The following ASPRV1 variants were observed in gnomAD, a reference collection of about 807,000 sequenced individuals.
ASPRV1 encodes aspartic peptidase retroviral like 1.
ASPRV1 carries 7 observed loss-of-function variants against 11.0 expected under a neutral mutation model. The ratio of observed to expected loss-of-function variants is 0.64; its 90% confidence interval spans 0.36 to 1.20. The LOEUF (loss-of-function observed/expected upper bound fraction) is 1.20, where lower values mean the gene tolerates loss of function less well. ASPRV1 is among the 50% of genes most tolerant of loss of function. The pLI, the probability that ASPRV1 is intolerant of heterozygous loss-of-function variation, is 0.02. For synonymous variants in ASPRV1, 136 were observed against 138.4 expected (o/e 0.98, Z 0.12); for missense variants, 299 against 320.0 (o/e 0.93, Z 0.50).
chr2:69,996,214 C>CAAAAAAAAAA, the ASPRV1 span, among the ~76,000 whole-genome samples: 2 of 53,888 alleles, frequency 3.7e-5, 1 homozygote. Context: ...CCCCATCTCT[C>CAAAAAAAAAA]AAAAAAAAAA....
At chr2:70,044,836 T>A in the ASPRV1 span, among the ~76,000 whole-genome samples, 1 of 152,132 alleles carries the variant, frequency 6.6e-6, no homozygotes, top group Middle Eastern at 3.2e-3. Context: ...GTACATGCAG[T>A]GAGGATACAC....
chr2:70,067,949 T>C, the ASPRV1 span, among the ~76,000 whole-genome samples: 6 of 152,238 alleles, frequency 3.9e-5, no homozygotes. Flanking sequence ...TTGCTTCAGA[T>C]ACTAAATTCT....
the ASPRV1 span, among the ~76,000 whole-genome samples, chr2:69,984,189 C>A: frequency 6.6e-6 from 1 of 152,112 alleles, no homozygotes; most frequent in Non-Finnish European, 1.5e-5. Flanking sequence ...CAGGGGTGCA[C>A]CACCATACCC....
chr2:70,015,993 T>C, the ASPRV1 span: 3 of 152,044 alleles, frequency 2.0e-5, no homozygotes, highest in Middle Eastern at 3.2e-3. Context: ...GAGACTTCAA[T>C]AGTCCACTTT....
Position 69,960,755 on chromosome 2 carries a change from G to A in ASPRV1, c.682C>T (p.Leu228Phe), listed in dbSNP as rs1678063335. The A allele has an allele frequency of 6.2e-7, 1 of 1,614,158 alleles. No individual in the cohort carries two copies. The highest frequency in any genetic ancestry group is 1.1e-5 in the South Asian group (1 of 91,086). The change falls in exon 1 of 1, where the codon CTT becomes TTT. Residue 228 changes from leucine (L) to phenylalanine (F), a missense_variant. Leu to Phe is a conservative substitution (Grantham distance 22). Transcript: ENST00000320256. ...TCTLKGKKFR[L>F]LPVGGSLEDE... ...TCCAGGGACCCTCCCACAGGCAGAA[G>A]GCGAAACTTCTTCCCTTTCAGGGTG...
the ASPRV1 span, among the ~76,000 whole-genome samples, chr2:69,980,987 G>A: frequency 6.6e-6 from 1 of 152,124 alleles, no homozygotes; most frequent in Non-Finnish European, 1.5e-5. Context: ...TTTTGGCCAG[G>A]CTGATCTCAA....
At chr2:69,969,902 T>G in the ASPRV1 span, among the ~76,000 whole-genome samples, 1 of 152,074 alleles carries the variant, frequency 6.6e-6, no homozygotes, top group Non-Finnish European at 1.5e-5. Context: ...TTAAATTTTT[T>G]TTTTTTTTTG....
the ASPRV1 span, among the ~76,000 whole-genome samples, chr2:69,992,385 C>A: frequency 6.6e-6 from 1 of 152,216 alleles, no homozygotes; most frequent in Admixed American, 6.5e-5. Context: ...TCCTTCTGGA[C>A]ATTCTGACAT....
the ASPRV1 span, among the ~76,000 whole-genome samples, chr2:69,978,317 T>C: frequency 3.3e-5 from 5 of 152,132 alleles, no homozygotes; most frequent in Non-Finnish European, 7.3e-5. Context: ...GTTCTGAGCG[T>C]GGTCACACAC....
the ASPRV1 span, among the ~76,000 whole-genome samples, chr2:69,943,104 T>G: frequency 6.6e-6 from 1 of 152,340 alleles, no homozygotes; most frequent in African/African-American, 2.4e-5. Flanking sequence ...TGAGATTGTG[T>G]GGCTCCAGTT....
the ASPRV1 span, among the ~76,000 whole-genome samples, chr2:70,011,343 C>T: frequency 1.3e-5 from 2 of 151,776 alleles, no homozygotes; most frequent in East Asian, 1.9e-4. Context: ...AGGTTGAAAA[C>T]AGGGGGCAGG....
At chr2:69,961,668 G>T, upstream of ASPRV1, 1 of 1,553,932 alleles carries the variant, frequency 6.4e-7, no homozygotes. Flanking sequence ...TGATGCCTAG[G>T]CTGGCCCCTG....
the ASPRV1 span, among the ~76,000 whole-genome samples, chr2:70,010,650 G>A: frequency 6.6e-6 from 1 of 152,122 alleles, no homozygotes; most frequent in Admixed American, 6.5e-5. Context: ...TTCCAGTAAC[G>A]TTTTTCACCA....
chr2:70,022,645 G>A, the ASPRV1 span, among the ~76,000 whole-genome samples: 11 of 151,890 alleles, frequency 7.2e-5, no homozygotes, highest in South Asian at 6.3e-4. Flanking sequence ...AGCTGAGATC[G>A]CACCACTGCA....
the ASPRV1 span, among the ~76,000 whole-genome samples, chr2:70,082,821 G>A: frequency 6.6e-6 from 1 of 152,168 alleles, no homozygotes; most frequent in Non-Finnish European, 1.5e-5. Flanking sequence ...TTGAGCCTGG[G>A]GGATAGAGGT....
chr2:69,937,438 A>C, the ASPRV1 span: 2 of 1,508,516 alleles, frequency 1.3e-6, no homozygotes, highest in East Asian at 4.7e-5. Context: ...TGTGCTCCCC[A>C]ACCCCAGAGC....
At chr2:69,991,225 G>C in the ASPRV1 span, among the ~76,000 whole-genome samples, 1 of 152,118 alleles carries the variant, frequency 6.6e-6, no homozygotes, top group African/African-American at 2.4e-5. Context: ...CCCAAGAAGC[G>C]GGGATGGAGA....
chr2:69,995,195 C>G, the ASPRV1 span: 1 of 150,644 alleles, frequency 6.6e-6, no homozygotes, highest in Non-Finnish European at 1.5e-5. Context: ...ACCATCCTGG[C>G]TAACACAGTG....
At chr2:69,996,291 C>T in the ASPRV1 span, among the ~76,000 whole-genome samples, 1 of 147,650 alleles carries the variant, frequency 6.8e-6, no homozygotes, top group Non-Finnish European at 1.5e-5. Context: ...ACTTGGGAGG[C>T]TGAGGTGGGA....
Sources: gnomAD v4.1 joint callset for allele counts (sites outside exome capture counted in the v4.1 genomes callset) on GRCh38, gnomAD v4.1.1 for gene constraint, MANE v1.5 for transcripts, NCBI Gene and HGNC (gene_info 2026-07-23, HGNC 2026-07-21) for gene names.